The following RAD21L1 variants were observed in gnomAD, a reference collection of about 807,000 sequenced individuals.
RAD21L1 encodes the protein double-strand-break repair protein rad21-like protein 1.
Under a neutral mutation model 69.0 loss-of-function variants are expected in RAD21L1, and 47 were observed. The observed-to-expected ratio is 0.68, with a 90% confidence interval of 0.54 to 0.87. The LOEUF (loss-of-function observed/expected upper bound fraction) is 0.87, where lower values mean the gene tolerates loss of function less well. Ranked by LOEUF, RAD21L1 falls within the 40% of genes least tolerant of loss-of-function variation. RAD21L1 has a pLI of 0.00. For synonymous variants in RAD21L1, 177 were observed against 205.8 expected (o/e 0.86, Z 1.20); for missense variants, 583 against 647.6 (o/e 0.90, Z 1.08).
At chr20:1,235,083 A>G (rs531703667) in intron 5 of RAD21L1, among the ~76,000 whole-genome samples, 5 of 152,204 alleles carry the variant, frequency 3.3e-5, no homozygotes, top group South Asian at 2.1e-4. Flanking sequence ...TAATTTAACT[A>G]TAGAGTATTT....
At chr20:1,244,020 T>G in intron 10 of RAD21L1, 26 bp from the exon 11 acceptor site, 1 of 1,541,486 alleles carries the variant, frequency 6.5e-7, no homozygotes, top group Non-Finnish European at 8.8e-7. Context: ...TTTGGTGAAA[T>G]TGTCTTTATT....
chr20:1,242,722 C>G lies in RAD21L1; in HGVS notation c.960C>G (p.Asp320Glu). Residue 320 changes from aspartate (D) to glutamate (E), a missense_variant, in exon 9 of 14, where the codon GAC (aspartate) becomes GAG (glutamate). Physicochemically the swap from Asp to Glu is conservative, Grantham distance 45 (BLOSUM62 2). Coordinates refer to ENST00000683101, the MANE Select transcript of RAD21L1 (RefSeq NM_001384355.1). ...ATAAACAGCTTACTTCCTTTGCGGA[C>G]ACACTCATGGTTTTGGAACTTGCAC... ...VIHKQLTSFA[D>E]TLMVLELAPP... 1 of 1,551,538 alleles carries G rather than the reference C, an allele frequency of 6.4e-7. No individual in the cohort carries two copies. Among genetic ancestry groups the G allele is most frequent in the Non-Finnish European group, 8.7e-7 (1 of 1,146,832 alleles).
At chr20:1,240,597 C>A (rs531302156) in intron 8 of RAD21L1, among the ~76,000 whole-genome samples, 163 bp downstream of exon 8, 2 of 152,050 alleles carry the variant, frequency 1.3e-5, no homozygotes, top group Non-Finnish European at 2.9e-5. Context: ...TTAGATGATC[C>A]TTTTGAGGTA....
intron 4 of RAD21L1, among the ~76,000 whole-genome samples, chr20:1,233,803 A>G (rs1283413307): frequency 6.6e-6 from 1 of 152,184 alleles, no homozygotes; most frequent in African/African-American, 2.4e-5. Context: ...CAAAATATGC[A>G]TTTGAGGTGA....
chr20:1,250,638 G>A (rs2087809764), intron 13 of RAD21L1, among the ~76,000 whole-genome samples: 1 of 152,118 alleles, frequency 6.6e-6, no homozygotes, highest in Non-Finnish European at 1.5e-5. Flanking sequence ...CCAAGTCTTT[G>A]CTATTGTGAA....
In RAD21L1 at chr20:1,228,433, C is replaced by T. The variant is rs1325473698; in HGVS notation, c.-21C>T. 4.8e-6 allele frequency: 7 copies of T among 1,453,384 alleles called. No homozygotes were observed. Among genetic ancestry groups the T allele is most frequent in the Non-Finnish European group, 6.4e-6 (7 of 1,101,734 alleles). The allele number at this position is 1,453,384 out of a possible 1,614,324, so 90.0% of individuals were successfully genotyped here. On this transcript the variant is annotated 5_prime_UTR_variant, in exon 2 of 14. Coordinates refer to ENST00000683101, the MANE Select transcript of RAD21L1 (RefSeq NM_001384355.1). ...CGTGTTCTCTCTAGTTTGTTAAATA[C>T]AAGTAAGGAACACAGGCAACATGTT...
chr20:1,242,953 CGAA>C (rs1335780986), intron 9 of RAD21L1, 108 bp downstream of exon 9: 2 of 918,824 alleles, frequency 2.2e-6, no homozygotes. Flanking sequence ...TTTAAACTTG[CGAA>C]GAAGTACTTC....
Position 1,240,346 on chromosome 20 carries a change from A to G in RAD21L1, c.768A>G (p.Ile256Met). Residue 256 changes from isoleucine (I) to methionine (M), a missense_variant, in exon 8 of 14, where the codon ATA becomes ATG. By Grantham distance (10) the Ile-to-Met change is conservative (BLOSUM62 1). Transcript: ENST00000683101. ...LAVEPDNSECICVPENEKMNE... is the reference protein window; with the variant it reads ...LAVEPDNSECMCVPENEKMNE... Reference sequence around the variant, plus strand: ...TTGAACCAGATAACTCAGAGTGTATATGTGTACCTGAAAATGAAAAAATGA... The same window carrying G: ...TTGAACCAGATAACTCAGAGTGTATGTGTGTACCTGAAAATGAAAAAATGA... 2 of 1,549,136 alleles carry G rather than the reference A, an allele frequency of 1.3e-6. No homozygotes were observed. The highest frequency in any genetic ancestry group is 1.7e-6 in the Non-Finnish European group (2 of 1,145,960).
At chr20:1,240,694 C>A (rs1477623875) in intron 8 of RAD21L1, among the ~76,000 whole-genome samples, 1 of 152,118 alleles carries the variant, frequency 6.6e-6, no homozygotes, top group Admixed American at 6.5e-5. Flanking sequence ...AGCTTTCAAT[C>A]ACACCCACCC....
At chr20:1,243,280 G>T (rs992944620) in intron 10 of RAD21L1, 84 bp downstream of exon 10, 6 of 631,376 alleles carry the variant, frequency 9.5e-6, no homozygotes, top group African/African-American at 9.4e-5. Flanking sequence ...ATGAAGGTGG[G>T]ATCCAATTCC....
intron 6 of RAD21L1, among the ~76,000 whole-genome samples, chr20:1,238,858 G>A (rs6040833): frequency 0.11 from 17,371 of 152,118 alleles, 1,599 homozygotes; most frequent in East Asian, 0.52. Flanking sequence ...GAGCCTTGCT[G>A]TGTCGCCCAG....
chr20:1,249,359 T>A (rs1383039209), intron 13 of RAD21L1, among the ~76,000 whole-genome samples: 1 of 152,190 alleles, frequency 6.6e-6, no homozygotes, highest in East Asian at 1.9e-4. Flanking sequence ...GTTTACAGTG[T>A]TATATTTGTA....
At chr20:1,231,359 A>G (rs1381460172) in intron 3 of RAD21L1, among the ~76,000 whole-genome samples, 167 bp from the exon 4 acceptor site, 1 of 152,222 alleles carries the variant, frequency 6.6e-6, no homozygotes, top group Non-Finnish European at 1.5e-5. Context: ...TTTTTAAAAT[A>G]TTACTCTGTC....
Position 1,246,236 on chromosome 20 carries a change from A to G in RAD21L1, c.1332A>G (p.Leu444=). 7 of 1,540,674 alleles carry G rather than the reference A, an allele frequency of 4.5e-6. No homozygotes were observed. Among genetic ancestry groups the G allele is most frequent in the Middle Eastern group, 1.7e-4 (1 of 5,960 alleles). Reference sequence around the variant, plus strand: ...AGGATATTGTTGAAATGGTGTCTTTAGCTGCTGAGGAATCATCTTTAATGA... The same window carrying G: ...AGGATATTGTTGAAATGGTGTCTTTGGCTGCTGAGGAATCATCTTTAATGA... ...NSEDIVEMVS[L]AAEESSLMND... Residue 444 remains leucine (L), a synonymous_variant, in exon 12 of 14, where the codon TTA becomes TTG. Transcript: ENST00000683101. This position sits in a 1 kb window ranked among gnomAD's most constrained non-coding sequence, Gnocchi z 4.6.
At chr20:1,242,598 T>A (rs1423076021) in intron 8 of RAD21L1, 21 bp from the exon 9 acceptor site, 2 of 1,493,184 alleles carry the variant, frequency 1.3e-6, no homozygotes, top group Non-Finnish European at 1.8e-6. Flanking sequence ...CAATCACATT[T>A]GTGCTATTTC....
At chr20:1,228,757 A>G (rs754324535) in intron 2 of RAD21L1, among the ~76,000 whole-genome samples, 160 bp downstream of exon 2, 2 of 152,328 alleles carry the variant, frequency 1.3e-5, no homozygotes, top group South Asian at 2.1e-4. Flanking sequence ...TAACAAACCT[A>G]TTGGTTTCTG....
At chr20:1,244,241 T>G in intron 11 of RAD21L1, 71 bp downstream of exon 11, 3 of 1,069,176 alleles carry the variant, frequency 2.8e-6, no homozygotes, top group Non-Finnish European at 3.9e-6. Flanking sequence ...GTTGGGACTC[T>G]GGTATATTTT....
chr20:1,254,146 A>C lies in RAD21L1; in HGVS notation c.1480-123A>C, dbSNP rs564801773. 42 of 624,294 alleles carry C rather than the reference A, an allele frequency of 6.7e-5. No individual in the cohort carries two copies. In the African/African-American group the frequency reaches 7.7e-4, roughly 12 times the overall value. The allele number at this position is 624,294 out of a possible 1,614,324, so 38.7% of individuals were successfully genotyped here. ...AGGAGTCATTTCCCTTTTTCCATTT[A>C]AGGATTTTATAGTCATTTATCCAAA... On this transcript the variant is annotated intron_variant, in intron 13 of 13. Coordinates refer to ENST00000683101, the MANE Select transcript of RAD21L1 (RefSeq NM_001384355.1).
chr20:1,250,606 T>C (rs891575655), intron 13 of RAD21L1, among the ~76,000 whole-genome samples: 6 of 152,230 alleles, frequency 3.9e-5, no homozygotes, highest in South Asian at 4.1e-4. Flanking sequence ...CAGTCTATCA[T>C]TGATGGACAT....
Sources: gnomAD v4.1 joint callset for allele counts (sites outside exome capture counted in the v4.1 genomes callset) on GRCh38, gnomAD v4.1.1 for gene constraint, Gnocchi (gnomAD v3.1) non-coding constraint, MANE v1.5 for transcripts, NCBI Gene and HGNC (gene_info 2026-07-23, HGNC 2026-07-21) for gene names.